The following CSMD3 variants were observed in gnomAD, a reference collection of about 807,000 sequenced individuals.
The protein encoded by CSMD3 is CUB and sushi domain-containing protein 3.
CSMD3 carries 177 observed loss-of-function variants against 435.2 expected under a neutral mutation model. The observed-to-expected ratio is 0.41, with a 90% CI of 0.36 to 0.46. CSMD3 has a LOEUF of 0.46. CSMD3 is among the 20% of genes least tolerant of loss of function. The pLI, the probability that CSMD3 is intolerant of heterozygous loss-of-function variation, is 0.34. For synonymous variants in CSMD3, 1,656 were observed against 1,520.5 expected, an observed-to-expected ratio of 1.09 and a Z score of -2.07; for missense variants, 4,265 against 4,504.6, an observed-to-expected ratio of 0.95 and a Z score of 1.52.
At chr8:112,415,373 G>C (rs1161707029) in intron 32 of CSMD3, among the ~76,000 whole-genome samples, 1 of 152,222 alleles carries the variant, frequency 6.6e-6, no homozygotes, top group Non-Finnish European at 1.5e-5. Flanking sequence ...TGGGTGCACA[G>C]AAGTCAAGAA....
At chr8:112,900,405 T>C (rs1301916310) in intron 10 of CSMD3, among the ~76,000 whole-genome samples, 1 of 151,280 alleles carries the variant, frequency 6.6e-6, no homozygotes, top group Non-Finnish European at 1.5e-5. Context: ...AGGCATAATA[T>C]AGTGCCTGCC....
At chr8:112,620,454 T>C (rs766608078) in intron 22 of CSMD3, among the ~76,000 whole-genome samples, 1 of 152,196 alleles carries the variant, frequency 6.6e-6, no homozygotes, top group Non-Finnish European at 1.5e-5. Flanking sequence ...CCATGGCTAA[T>C]TGAGGCACTC....
chr8:113,210,844 C>G (rs555041545), intron 3 of CSMD3, among the ~76,000 whole-genome samples: 83 of 151,558 alleles, frequency 5.5e-4, no homozygotes, highest in Middle Eastern at 3.4e-3. Context: ...CACCGCTGCA[C>G]TCTAGCCAGG....
chr8:112,443,301 T>G (rs144599434), intron 32 of CSMD3, among the ~76,000 whole-genome samples: 175 of 152,306 alleles, frequency 1.1e-3, no homozygotes, highest in African/African-American at 3.9e-3. Flanking sequence ...AACGGTTATT[T>G]TGAAATGACT....
At chr8:112,374,253 A>G (rs1046067204) in intron 38 of CSMD3, among the ~76,000 whole-genome samples, 2 of 152,182 alleles carry the variant, frequency 1.3e-5, no homozygotes, top group African/African-American at 4.8e-5. Flanking sequence ...CCTTTGGCAC[A>G]GATCTCCCCA....
At chr8:112,493,556 T>C (rs559120892) in intron 30 of CSMD3, among the ~76,000 whole-genome samples, 19 of 152,158 alleles carry the variant, frequency 1.2e-4, no homozygotes, top group African/African-American at 4.3e-4. Context: ...AATAGCAAAA[T>C]CCAAACCACA....
chr8:113,118,577 A>G (rs28721970), intron 4 of CSMD3, among the ~76,000 whole-genome samples: 21,569 of 152,164 alleles, frequency 0.14, 2,847 homozygotes, highest in African/African-American at 0.35. Context: ...CAGGAAGATC[A>G]TTTCAGCCCA....
intron 1 of CSMD3, among the ~76,000 whole-genome samples, chr8:113,405,707 A>G (rs927640690): frequency 7.9e-5 from 12 of 151,844 alleles, no homozygotes; most frequent in Admixed American, 4.6e-4. Context: ...AGGATCACCT[A>G]TGGATGAGCA....
chr8:112,450,493 T>C (rs1438026643), intron 32 of CSMD3, among the ~76,000 whole-genome samples: 1 of 152,194 alleles, frequency 6.6e-6, no homozygotes, highest in Non-Finnish European at 1.5e-5. Context: ...ACATGTAGTA[T>C]GTAAATTAAC....
intron 18 of CSMD3, among the ~76,000 whole-genome samples, chr8:112,654,546 T>C (rs2075209789): frequency 2.0e-5 from 3 of 152,182 alleles, no homozygotes; most frequent in African/African-American, 7.2e-5. Flanking sequence ...CCCTCGAAAA[T>C]AACTTGGACT....
intron 27 of CSMD3, among the ~76,000 whole-genome samples, chr8:112,531,376 G>A (rs577703053): frequency 6.6e-6 from 1 of 152,220 alleles, no homozygotes; most frequent in South Asian, 2.1e-4. Context: ...CAGCAGTCAG[G>A]CCATGATTAT....
intron 16 of CSMD3, among the ~76,000 whole-genome samples, chr8:112,681,929 A>C (rs2075905809): frequency 6.6e-6 from 1 of 152,106 alleles, no homozygotes; most frequent in African/African-American, 2.4e-5. Flanking sequence ...TATGCCTTGA[A>C]CCTTGTTGAC....
chr8:112,989,260 C>G (rs747218268), intron 6 of CSMD3, among the ~76,000 whole-genome samples: 3 of 152,022 alleles, frequency 2.0e-5, no homozygotes, highest in Non-Finnish European at 4.4e-5. Context: ...CACTTTTACT[C>G]AGACTGTCAG....
At chr8:112,835,468 A>G (rs992260257) in intron 11 of CSMD3, among the ~76,000 whole-genome samples, 6 of 151,824 alleles carry the variant, frequency 4.0e-5, no homozygotes, top group African/African-American at 1.4e-4. Context: ...GTACACCTAT[A>G]CATTATTCTG....
chr8:112,544,774 C>T (rs1827001221), intron 27 of CSMD3, among the ~76,000 whole-genome samples: 1 of 152,162 alleles, frequency 6.6e-6, no homozygotes, highest in South Asian at 2.1e-4. Context: ...ACAGCCCCTT[C>T]AGCAGAACTG....
intron 6 of CSMD3, among the ~76,000 whole-genome samples, chr8:112,992,727 G>A (rs1053311134): frequency 1.3e-5 from 2 of 151,740 alleles, no homozygotes; most frequent in Non-Finnish European, 2.9e-5. Context: ...CAATGGAGAA[G>A]GGAAGATCTG....
At chr8:113,370,370 T>C (rs16884552) in intron 1 of CSMD3, among the ~76,000 whole-genome samples, 1,995 of 151,446 alleles carry the variant, frequency 0.013, 53 homozygotes, top group African/African-American at 0.046. Flanking sequence ...AGCCTTTTAC[T>C]TAAAAGATAG....
Position 112,474,883 on chromosome 8 carries a change from A to G in CSMD3, c.5279-2176T>C, listed in dbSNP as rs1818888000. Among the ~76,000 whole-genome samples, 4 of 152,304 alleles carry G rather than the reference A, an allele frequency of 2.6e-5. No individual in the cohort carries two copies. In the South Asian group the frequency reaches 6.2e-4, roughly 24 times the overall value. ...AATAGTTAGAATTAAACACACTAAA[A>G]TTAGAATTATCTAGAAAAAACAACA... is the stretch of plus-strand genomic sequence containing the variant. On this transcript the variant is annotated intron_variant, in intron 31 of 70. Transcript: ENST00000297405.
chr8:113,210,665 G>A (rs958974378), intron 3 of CSMD3, among the ~76,000 whole-genome samples: 1 of 151,904 alleles, frequency 6.6e-6, no homozygotes, highest in Admixed American at 6.6e-5. Context: ...GTCACCTGAG[G>A]TCAGGAGTTC....
Sources: allele counts gnomAD v4.1 joint callset (sites outside exome capture counted in the v4.1 genomes callset), GRCh38; gene constraint gnomAD v4.1.1; transcripts MANE v1.5; gene names NCBI Gene and HGNC (gene_info 2026-07-23, HGNC 2026-07-21).